The following SLC4A10 variants were observed in gnomAD, a reference collection of about 807,000 sequenced individuals.
The protein encoded by SLC4A10 is solute carrier family 4 member 10, also known as sodium-driven chloride bicarbonate exchanger.
In SLC4A10, 42 loss-of-function variants were observed where a neutral mutation model predicts 137.7. The ratio of observed to expected loss-of-function variants is 0.30; its 90% confidence interval spans 0.24 to 0.39. The LOEUF (loss-of-function observed/expected upper bound fraction) is 0.39, where lower values mean the gene tolerates loss of function less well. Among genes scored for constraint, SLC4A10 ranks in the 10% least tolerant of loss-of-function variants. The pLI, the probability that SLC4A10 is intolerant of heterozygous loss-of-function variation, is 1.00. For synonymous variants in SLC4A10, 474 were observed against 464.1 expected (o/e 1.02, Z -0.27); for missense variants, 925 against 1,355.0 (o/e 0.68, Z 4.98).
intron 3 of SLC4A10, among the ~76,000 whole-genome samples, chr2:161,818,980 T>C (rs995613041): frequency 1.3e-5 from 2 of 152,198 alleles, no homozygotes; most frequent in Non-Finnish European, 2.9e-5. Context: ...ATCAGGATGA[T>C]GCTGGCCTCA....
At chr2:161,651,903 G>T (rs1037282228) in intron 1 of SLC4A10, among the ~76,000 whole-genome samples, 1 of 152,224 alleles carries the variant, frequency 6.6e-6, no homozygotes, top group African/African-American at 2.4e-5. Context: ...GATCCCAGTG[G>T]ACCTGAGCAA....
At chr2:161,868,283 G>T (rs946260556) in intron 6 of SLC4A10, among the ~76,000 whole-genome samples, 9 of 151,650 alleles carry the variant, frequency 5.9e-5, no homozygotes, top group Admixed American at 5.3e-4. Flanking sequence ...TCATGAAATA[G>T]TACTTTTGAT....
intron 19 of SLC4A10, among the ~76,000 whole-genome samples, chr2:161,956,377 G>A (rs893066452): frequency 6.6e-6 from 1 of 152,072 alleles, no homozygotes; most frequent in African/African-American, 2.4e-5. Context: ...CTCTCATAAA[G>A]CAGTCACTAA....
In SLC4A10 at chr2:161,904,269, T is replaced by C. The variant is rs1284266935; in HGVS notation, c.1617+91T>C. ...GTGAGCATTTAATTTTGGATTCTTT[T>C]CTGAGGAGAGATTTGAGATATGGTC... On this transcript the variant is annotated intron_variant, in intron 13 of 26. Coordinates refer to ENST00000446997, the MANE Select transcript of SLC4A10 (RefSeq NM_001178015.2). The C allele has an allele frequency of 5.2e-6, 7 of 1,349,894 alleles. No individual in the cohort carries two copies. In the East Asian group the frequency reaches 7.6e-5, roughly 15 times the overall value. The allele number at this position is 1,349,894 out of a possible 1,614,324, so 83.6% of individuals were successfully genotyped here. A position where few individuals can be genotyped will look rare whatever the true frequency, so the allele number is the denominator to read the frequency against.
intron 1 of SLC4A10, among the ~76,000 whole-genome samples, chr2:161,738,336 TAAC>T: frequency 6.6e-6 from 1 of 152,144 alleles, no homozygotes; most frequent in East Asian, 1.9e-4. Context: ...AAAGAACAAT[TAAC>T]AAATTGGGCA....
intron 23 of SLC4A10, among the ~76,000 whole-genome samples, chr2:161,968,650 GA>G (rs1698002853): frequency 6.6e-6 from 1 of 151,988 alleles, no homozygotes; most frequent in South Asian, 2.1e-4. Context: ...AAAGAAACAA[GA>G]AAATCAATAA....
At chr2:161,630,038 C>A (rs2033221757) in intron 1 of SLC4A10, among the ~76,000 whole-genome samples, 1 of 151,742 alleles carries the variant, frequency 6.6e-6, no homozygotes, top group Admixed American at 6.6e-5. Flanking sequence ...TTTTCAATTT[C>A]TTTGGGTAAA....
chr2:161,873,880 G>T (rs776382667), intron 7 of SLC4A10, 36 bp from the exon 8 acceptor site: 37 of 1,570,792 alleles, frequency 2.4e-5, no homozygotes, highest in Non-Finnish European at 3.0e-5. Context: ...GTGGGAGCAT[G>T]GTGTACCAGC....
At chr2:161,914,736 A>G (rs1686705812) in intron 15 of SLC4A10, among the ~76,000 whole-genome samples, 2 of 152,152 alleles carry the variant, frequency 1.3e-5, no homozygotes, top group African/African-American at 2.4e-5. Flanking sequence ...ACTCAATGTT[A>G]TAGGCTGAAT....
At chr2:161,880,679 C>A (rs1256598659) in intron 9 of SLC4A10, among the ~76,000 whole-genome samples, 1 of 152,060 alleles carries the variant, frequency 6.6e-6, no homozygotes, top group East Asian at 1.9e-4. Flanking sequence ...CAACCTGTAA[C>A]CTATTCAAGG....
intron 4 of SLC4A10, among the ~76,000 whole-genome samples, chr2:161,846,091 T>C (rs1342554908): frequency 6.6e-6 from 1 of 152,108 alleles, no homozygotes; most frequent in East Asian, 1.9e-4. Context: ...AAAAGTGTTA[T>C]ATGTAGAACA....
chr2:161,707,289 G>A (rs999579497), intron 1 of SLC4A10, among the ~76,000 whole-genome samples: 4 of 151,326 alleles, frequency 2.6e-5, no homozygotes, highest in South Asian at 2.1e-4. Context: ...AAGACTCATT[G>A]TGACTAGTCT....
chr2:161,861,113 T>A (rs1223646415), intron 5 of SLC4A10, among the ~76,000 whole-genome samples: 1 of 152,182 alleles, frequency 6.6e-6, no homozygotes, highest in African/African-American at 2.4e-5. Flanking sequence ...ATATTTGTTA[T>A]CTGGCTCTGG....
intron 1 of SLC4A10, among the ~76,000 whole-genome samples, chr2:161,658,429 G>C (rs966942301): frequency 6.6e-6 from 1 of 152,102 alleles, no homozygotes; most frequent in Admixed American, 6.6e-5. Flanking sequence ...CTGGCGTTCA[G>C]CTTAATGGAT....
At chr2:161,784,094 T>A (rs11898650) in intron 2 of SLC4A10, among the ~76,000 whole-genome samples, 13,219 of 151,802 alleles carry the variant, frequency 0.087, 781 homozygotes, top group African/African-American at 0.16. Flanking sequence ...ACTATACTTA[T>A]ATCAGATAAA....
chr2:161,751,982 G>A (rs2125309183), intron 1 of SLC4A10, among the ~76,000 whole-genome samples: 1 of 152,040 alleles, frequency 6.6e-6, no homozygotes, highest in Admixed American at 6.6e-5. Flanking sequence ...AGTTTAGCTA[G>A]AGGCCTTAGC....
chr2:161,703,938 A>G (rs900674773), intron 1 of SLC4A10, among the ~76,000 whole-genome samples: 1 of 151,682 alleles, frequency 6.6e-6, no homozygotes, highest in African/African-American at 2.4e-5. Context: ...GCCAGCCTCC[A>G]TCTATAAGGT....
chr2:161,814,112 G>A (rs1380556675), intron 3 of SLC4A10, among the ~76,000 whole-genome samples: 1 of 151,968 alleles, frequency 6.6e-6, no homozygotes, highest in Non-Finnish European at 1.5e-5. Context: ...TAAAAAGTGG[G>A]TAAAGACATG....
At chr2:161,893,485 C>T (rs1366828490) in intron 10 of SLC4A10, among the ~76,000 whole-genome samples, 4 of 152,034 alleles carry the variant, frequency 2.6e-5, no homozygotes, top group Admixed American at 2.0e-4. Flanking sequence ...GGTTTGGGGC[C>T]AGGAGTTCAA....
Sources: allele counts gnomAD v4.1 joint callset (sites outside exome capture counted in the v4.1 genomes callset), GRCh38; gene constraint gnomAD v4.1.1; transcripts MANE v1.5; gene names NCBI Gene and HGNC (gene_info 2026-07-23, HGNC 2026-07-21).